Variants in SPP2 observed in about 807,000 individuals in gnomAD.
The protein encoded by SPP2 is secreted phosphoprotein 2, also known as secreted phosphoprotein 24.
A neutral mutation model predicts 28.8 loss-of-function variants in SPP2; 34 were observed. The observed-to-expected ratio is 1.18, with a 90% CI of 0.90 to 1.57. The LOEUF is 1.57. SPP2 is among the 40% of genes most tolerant of loss of function. SPP2 has a pLI of 0.00. For synonymous variants in SPP2, 96 were observed against 89.4 expected (o/e 1.07, Z -0.42); for missense variants, 269 against 263.9 (o/e 1.02, Z -0.13).
At chr2:234,051,502 C>T (rs1693497456) in intron 2 of SPP2, among the ~76,000 whole-genome samples, 1 of 152,216 alleles carries the variant, frequency 6.6e-6, no homozygotes, top group Non-Finnish European at 1.5e-5. Flanking sequence ...AAGAAATTCA[C>T]CTTTCCTTGT....
At chr2:234,059,001 A>G (rs552182266) in intron 3 of SPP2, 43 bp downstream of exon 3, 1 of 1,588,218 alleles carries the variant, frequency 6.3e-7, no homozygotes, top group South Asian at 1.2e-5. Context: ...CAAAAGGAAG[A>G]GCCTCACTTC....
At chr2:234,067,439 T>G (rs1693844593) in intron 6 of SPP2, among the ~76,000 whole-genome samples, 165 bp downstream of exon 6, 1 of 152,138 alleles carries the variant, frequency 6.6e-6, no homozygotes, top group African/African-American at 2.4e-5. Context: ...TAAACTTGCT[T>G]TGCAAATCAT....
At chr2:234,067,157 A>G (rs1238508019) in intron 5 of SPP2, 67 bp from the exon 6 acceptor site, 2 of 1,421,118 alleles carry the variant, frequency 1.4e-6, no homozygotes, top group Admixed American at 3.4e-5. Context: ...TGGCATTAAC[A>G]GTAAAGTCAT....
Position 234,076,869 on chromosome 2 carries a change from T to C in SPP2, c.*35T>C, listed in dbSNP as rs1690908036. The C allele has an allele frequency of 6.6e-6, 1 of 152,202 alleles. No individual in the cohort carries two copies. Among genetic ancestry groups the C allele is most frequent in the Non-Finnish European group, 1.5e-5 (1 of 68,104 alleles). 9.4% of individuals were successfully genotyped at this position (152,202 alleles called of 1,614,324 possible). On this transcript the variant is annotated 3_prime_UTR_variant, in exon 8 of 8. Transcript: ENST00000168148. The stretch of plus-strand genomic sequence containing the variant: ...GGTGTCCCTCGCCCTTTTGGTTTGT[T>C]CAAGGAGCTGCTGCTTTGCATAGCT...
At chr2:234,060,630 C>G (rs1452257095) in intron 4 of SPP2, 151 bp downstream of exon 4, 3 of 641,384 alleles carry the variant, frequency 4.7e-6, no homozygotes, top group Admixed American at 3.0e-5. Context: ...CTCTTGGACA[C>G]CTACAGCCTC....
At chr2:234,069,784 A>G in intron 6 of SPP2, 144 bp from the exon 7 acceptor site, 1 of 615,298 alleles carries the variant, frequency 1.6e-6, no homozygotes, top group South Asian at 1.7e-5. Flanking sequence ...AGATGAAGTT[A>G]TCGCACCCTC....
intron 2 of SPP2, among the ~76,000 whole-genome samples, chr2:234,054,005 C>T (rs560433527): frequency 5.9e-5 from 9 of 152,202 alleles, no homozygotes; most frequent in Admixed American, 5.9e-4. Context: ...GTGGAGAGTA[C>T]CGTAGAGGAG....
chr2:234,054,062 T>C (rs1304119054), intron 2 of SPP2, among the ~76,000 whole-genome samples: 1 of 152,182 alleles, frequency 6.6e-6, no homozygotes, highest in African/African-American at 2.4e-5. Flanking sequence ...AGCAGTCAGA[T>C]GGGGCAACAG....
Position 234,066,603 on chromosome 2 carries a change from T to C in SPP2, c.499+16T>C. 1 of 1,594,284 alleles carries C rather than the reference T, an allele frequency of 6.3e-7. No individual in the cohort carries two copies. Among genetic ancestry groups the C allele is most frequent in the Non-Finnish European group, 8.5e-7 (1 of 1,170,076 alleles). ...TATCTATTTGGTAAGTTAAGATCTG[T>C]TCTTTTTAACTTTTTTTCTTAAAAT... On this transcript the variant is annotated intron_variant, in intron 5 of 7. Coordinates refer to ENST00000168148, the MANE Select transcript of SPP2 (RefSeq NM_006944.3).
chr2:234,066,662 T>C, intron 5 of SPP2, 75 bp downstream of exon 5: 1 of 1,078,876 alleles, frequency 9.3e-7, no homozygotes, highest in Admixed American at 2.0e-5. Context: ...TAGTGAGTCA[T>C]TTAAAACTAG....
intron 2 of SPP2, among the ~76,000 whole-genome samples, chr2:234,055,103 T>C (rs1014030710): frequency 6.6e-6 from 1 of 151,996 alleles, no homozygotes; most frequent in Admixed American, 6.6e-5. Flanking sequence ...AGAACCAATA[T>C]GACATGCATA....
intron 2 of SPP2, among the ~76,000 whole-genome samples, chr2:234,054,591 G>A (rs773318482): frequency 1.5e-4 from 23 of 152,172 alleles, no homozygotes; most frequent in Admixed American, 3.3e-4. Context: ...AAGAGAGCTA[G>A]CTGACTCTCC....
chr2:234,067,658 T>C (rs1693850373), intron 6 of SPP2, among the ~76,000 whole-genome samples: 2 of 151,510 alleles, frequency 1.3e-5, no homozygotes, highest in Admixed American at 1.3e-4. Flanking sequence ...GCGCCTGTAG[T>C]CCCAGCTACT....
chr2:234,076,650 C>G (rs1420042341), intron 7 of SPP2, among the ~76,000 whole-genome samples, 195 bp from the exon 8 acceptor site: 1 of 152,156 alleles, frequency 6.6e-6, no homozygotes, highest in Non-Finnish European at 1.5e-5. Context: ...CCAACCTACT[C>G]TTTTGCTTTT....
intron 2 of SPP2, among the ~76,000 whole-genome samples, chr2:234,055,022 T>C (rs922697537): frequency 2.0e-5 from 3 of 152,214 alleles, no homozygotes; most frequent in African/African-American, 7.2e-5. Flanking sequence ...TTTTTGTCCA[T>C]TAATAAGGGA....
chr2:234,052,634 G>A (rs1183225461), intron 2 of SPP2, among the ~76,000 whole-genome samples: 1 of 152,194 alleles, frequency 6.6e-6, no homozygotes, highest in Non-Finnish European at 1.5e-5. Context: ...TATATGCGAT[G>A]TGTGTGACTC....
chr2:234,059,895 G>A (rs550829835), intron 3 of SPP2, among the ~76,000 whole-genome samples: 2 of 151,840 alleles, frequency 1.3e-5, no homozygotes, highest in African/African-American at 4.9e-5. Context: ...GCATTCTGAG[G>A]TTCAAGCTCG....
chr2:234,050,957 G>C lies in SPP2; in HGVS notation c.86-14G>C, dbSNP rs200433915. On this transcript the variant is annotated splice_polypyrimidine_tract_variant and intron_variant, in intron 1 of 7. Coordinates refer to ENST00000168148, the MANE Select transcript of SPP2 (RefSeq NM_006944.3). The stretch of plus-strand genomic sequence containing the variant: ...TGTCTTGTCTCACTGTGCCCCATGT[G>C]CTTGCGTGTCCAGGTTTCCCAGTGT... 965 of 1,613,958 alleles carry C rather than the reference G, an allele frequency of 6.0e-4. 2 individuals carry two copies. Among genetic ancestry groups the C allele is most frequent in the Non-Finnish European group, 7.5e-4 (882 of 1,179,894 alleles).
In SPP2 at chr2:234,062,610, G is replaced by T. The variant is rs975365659; in HGVS notation, c.444+2131G>T. 2.0e-5 allele frequency among the ~76,000 whole-genome samples: 3 copies of T among 152,146 alleles called. No homozygotes were observed. In the East Asian group the frequency reaches 5.8e-4, roughly 29 times the overall value. On this transcript the variant is annotated intron_variant, in intron 4 of 7. Coordinates refer to ENST00000168148, the MANE Select transcript of SPP2 (RefSeq NM_006944.3). Reference sequence around the variant, plus strand: ...GGGTAACAGAATCAGATGACGAATAGATTGGAACTAGGTAAGAATAAATAT... The same window carrying T: ...GGGTAACAGAATCAGATGACGAATATATTGGAACTAGGTAAGAATAAATAT...
Sources: allele counts gnomAD v4.1 joint callset (sites outside exome capture counted in the v4.1 genomes callset), GRCh38; gene constraint gnomAD v4.1.1; transcripts MANE v1.5; gene names NCBI Gene and HGNC (gene_info 2026-07-23, HGNC 2026-07-21).